The following IPO9 variants were observed in gnomAD, a reference collection of about 807,000 sequenced individuals.
IPO9 encodes the protein importin-9.
A neutral mutation model predicts 128.6 loss-of-function variants in IPO9; 28 were observed. That is an observed-to-expected ratio of 0.22 (90% confidence interval 0.16 to 0.30). The LOEUF is 0.30. Among genes scored for constraint, IPO9 ranks in the 10% least tolerant of loss-of-function variants. The probability of loss-of-function intolerance (pLI) is 1.00; values close to 1 mark genes in which losing one functional copy is unlikely to be tolerated. For synonymous variants in IPO9, 455 were observed against 475.8 expected (o/e 0.96, Z 0.57); for missense variants, 935 against 1,293.9 (o/e 0.72, Z 4.26).
At chr1:201,837,366 G>A (rs977915825) in intron 1 of IPO9, among the ~76,000 whole-genome samples, 1 of 152,174 alleles carries the variant, frequency 6.6e-6, no homozygotes, top group Non-Finnish European at 1.5e-5. Flanking sequence ...TCTGGTTGAT[G>A]AGAAAGGACC....
chr1:201,832,806 A>T (rs1679862404), intron 1 of IPO9, among the ~76,000 whole-genome samples: 2 of 152,168 alleles, frequency 1.3e-5, no homozygotes, highest in Non-Finnish European at 1.5e-5. Flanking sequence ...CCTTTGCCAA[A>T]AACATTTGTT....
intron 10 of IPO9, among the ~76,000 whole-genome samples, 161 bp from the exon 11 acceptor site, chr1:201,856,935 C>G (rs935440036): frequency 6.6e-6 from 1 of 152,240 alleles, no homozygotes; most frequent in Non-Finnish European, 1.5e-5. Context: ...AGTCCTCCCA[C>G]CTTGGCCTCC....
Position 201,883,677 on chromosome 1 carries a change from C to G in IPO9, c.*7623C>G, listed in dbSNP as rs965047854. ...GAGACCCCAGGACCTTTTCGTGATT[C>G]TGGAGAGGGGAACAAACCATAATAA... On this transcript the variant is annotated 3_prime_UTR_variant, in exon 24 of 24. Transcript: ENST00000361565. The G allele has an allele frequency of 3.3e-5, 5 of 152,254 alleles. No individual in the cohort carries two copies. Among genetic ancestry groups the G allele is most frequent in the Non-Finnish European group, 4.4e-5 (3 of 68,064 alleles). 9.4% of individuals were successfully genotyped at this position (152,254 alleles called of 1,614,324 possible). A position where few individuals can be genotyped will look rare whatever the true frequency, so the allele number is the denominator to read the frequency against.
At chr1:201,848,915 T>G (rs758664101) in intron 4 of IPO9, among the ~76,000 whole-genome samples, 1 of 152,170 alleles carries the variant, frequency 6.6e-6, no homozygotes, top group Non-Finnish European at 1.5e-5. Context: ...GAGTTTCCTT[T>G]TATATAAAAT....
In IPO9 at chr1:201,878,408, G is replaced by C. The variant is rs1205458677; in HGVS notation, c.*2354G>C. 1 of 152,660 alleles carries C rather than the reference G, an allele frequency of 6.6e-6. No homozygotes were observed. Among genetic ancestry groups the C allele is most frequent in the Admixed American group, 6.5e-5 (1 of 15,282 alleles). The allele number at this position is 152,660 out of a possible 1,614,324, so 9.5% of individuals were successfully genotyped here. ...GGAAGGCTTAAGGCTCCCACACACA[G>C]ACTGAGAATGATGGGGGTCCCTCTG... On this transcript the variant is annotated 3_prime_UTR_variant, in exon 24 of 24. Coordinates refer to ENST00000361565, the MANE Select transcript of IPO9 (RefSeq NM_018085.5).
At position 201,872,822 on chromosome 1, in the gene IPO9, T is replaced by C; in HGVS notation, c.2577-6T>C. 6.2e-7 allele frequency: 1 copy of C among 1,606,156 alleles called. No homozygotes were observed. Among genetic ancestry groups the C allele is most frequent in the Non-Finnish European group, 8.5e-7 (1 of 1,176,638 alleles). On this transcript the variant is annotated splice_polypyrimidine_tract_variant and splice_region_variant and intron_variant, in intron 19 of 23. Coordinates refer to ENST00000361565, the MANE Select transcript of IPO9 (RefSeq NM_018085.5). The stretch of plus-strand genomic sequence containing the variant: ...GATTGACCTTTTTTTGGATCTTCCT[T>C]GCCAGCTCTGTGGCACTCTGTAAGC...
In IPO9 at chr1:201,878,181, T is replaced by C. The variant is rs1041656407; in HGVS notation, c.*2127T>C. The C allele has an allele frequency of 6.6e-6, 1 of 152,280 alleles. No homozygotes were observed. The highest frequency in any genetic ancestry group is 1.5e-5 in the Non-Finnish European group (1 of 68,120). 9.4% of individuals were successfully genotyped at this position (152,280 alleles called of 1,614,324 possible). ...GTGCCCCTGCTGCTTCACATGGCAT[T>C]GTGGGAGTTGCTGATACTGGGGAAA... On this transcript the variant is annotated 3_prime_UTR_variant, in exon 24 of 24. Coordinates refer to ENST00000361565, the MANE Select transcript of IPO9 (RefSeq NM_018085.5).
chr1:201,873,405 A>G (rs142390661), intron 20 of IPO9, among the ~76,000 whole-genome samples: 1,871 of 141,470 alleles, frequency 0.013, 32 homozygotes, highest in African/African-American at 0.044. Flanking sequence ...AGATCGTGCC[A>G]CTGCATTCCA....
intron 21 of IPO9, 69 bp from the exon 22 acceptor site, chr1:201,874,763 C>T: frequency 9.3e-7 from 1 of 1,072,284 alleles, no homozygotes; most frequent in South Asian, 1.3e-5. Context: ...CTATTCTGGC[C>T]TATTTGGATT....
At chr1:201,842,966 G>T (rs1007025439) in intron 1 of IPO9, among the ~76,000 whole-genome samples, 4 of 152,178 alleles carry the variant, frequency 2.6e-5, no homozygotes, top group African/African-American at 9.7e-5. Context: ...AATCCTCTCA[G>T]TTCATAATCC....
rs973703185 is a variant in IPO9 at position 201,836,858 on chromosome 1, A to C, written c.163+7486A>C. 2.1e-4 allele frequency among the ~76,000 whole-genome samples: 32 copies of C among 152,220 alleles called. 1 individual carries two copies. The highest frequency in any genetic ancestry group is 7.5e-4 in the African/African-American group (31 of 41,464). ...ATGTGGTCATAATTTTTGAAACTGTAGGGGTCTGTAGAGAAGGAAATCTGT... is the reference window on the plus strand; with the variant it reads ...ATGTGGTCATAATTTTTGAAACTGTCGGGGTCTGTAGAGAAGGAAATCTGT... On this transcript the variant is annotated intron_variant, in intron 1 of 23. Coordinates refer to ENST00000361565, the MANE Select transcript of IPO9 (RefSeq NM_018085.5).
intron 1 of IPO9, among the ~76,000 whole-genome samples, chr1:201,845,178 G>A (rs1159890477): frequency 6.6e-6 from 1 of 152,018 alleles, no homozygotes; most frequent in Non-Finnish European, 1.5e-5. Flanking sequence ...CACCATATCC[G>A]GCTAATTTTG....
At chr1:201,834,548 A>G (rs1425337633) in intron 1 of IPO9, among the ~76,000 whole-genome samples, 4 of 152,110 alleles carry the variant, frequency 2.6e-5, no homozygotes, top group African/African-American at 9.7e-5. Flanking sequence ...CTTTTCCTCT[A>G]AGAATGGCAT....
At chr1:201,842,390 C>A (rs1680051283) in intron 1 of IPO9, among the ~76,000 whole-genome samples, 1 of 151,962 alleles carries the variant, frequency 6.6e-6, no homozygotes, top group South Asian at 2.1e-4. Context: ...TTGATTGAAC[C>A]ACTGACCATT....
rs1172144298 is a variant in IPO9 at position 201,877,310 on chromosome 1, G to A, written c.*1256G>A. The A allele has an allele frequency of 1.3e-5, 2 of 152,136 alleles. No individual in the cohort carries two copies. The highest frequency in any genetic ancestry group is 2.9e-5 in the Non-Finnish European group (2 of 68,042). The allele number at this position is 152,136 out of a possible 1,614,324, so 9.4% of individuals were successfully genotyped here. A position where few individuals can be genotyped will look rare whatever the true frequency, so the allele number is the denominator to read the frequency against. ...GAGATCAGGAGTTTGAGGCTAGCCTGGCCAACACAGTGAAACCTGCATTTC... is the reference window on the plus strand; with the variant it reads ...GAGATCAGGAGTTTGAGGCTAGCCTAGCCAACACAGTGAAACCTGCATTTC... On this transcript the variant is annotated 3_prime_UTR_variant, in exon 24 of 24. Coordinates refer to ENST00000361565, the MANE Select transcript of IPO9 (RefSeq NM_018085.5).
At chr1:201,874,982 T>C (rs748629336) in intron 22 of IPO9, 46 bp downstream of exon 22, 16 of 1,455,724 alleles carry the variant, frequency 1.1e-5, no homozygotes, top group Non-Finnish European at 1.9e-6. Flanking sequence ...ACCTTTTCTT[T>C]GCACACTGAT....
chr1:201,876,754 G>GA lies in IPO9; in HGVS notation c.*715dup, dbSNP rs11420739. 0.68 allele frequency: 94,539 copies of GA among 139,998 alleles called. 30,703 individuals carry two copies. Among genetic ancestry groups the GA allele is most frequent in the Middle Eastern group, 0.75 (191 of 256 alleles). 8.7% of individuals were successfully genotyped at this position (139,998 alleles called of 1,614,324 possible). On this transcript the variant is annotated 3_prime_UTR_variant, in exon 24 of 24. Transcript: ENST00000361565. ...ATGGCAATTTGATCTTCCTTTTTTA[G>GA]AAAAAAAAAAAAAAATGGGGAAAAG...
At chr1:201,832,731 C>CTTTAT (rs1558214248) in intron 1 of IPO9, among the ~76,000 whole-genome samples, 35 of 152,336 alleles carry the variant, frequency 2.3e-4, no homozygotes, top group Admixed American at 1.9e-3. Flanking sequence ...TCTTTGTGAG[C>CTTTAT]TGTTTATTAG....
At chr1:201,873,741 C>CT (rs1680704051) in intron 20 of IPO9, among the ~76,000 whole-genome samples, 6 of 152,096 alleles carry the variant, frequency 3.9e-5, no homozygotes, top group Admixed American at 3.9e-4. Context: ...GAGCAAAACT[C>CT]TGTCTGAAGA....
Sources: gnomAD v4.1 joint callset for allele counts (sites outside exome capture counted in the v4.1 genomes callset) on GRCh38, gnomAD v4.1.1 for gene constraint, MANE v1.5 for transcripts, NCBI Gene and HGNC (gene_info 2026-07-23, HGNC 2026-07-21) for gene names.